The following CDH13 variants were observed in gnomAD, a reference collection of about 807,000 sequenced individuals.
CDH13 encodes the protein cadherin-13.
Under a neutral mutation model 63.8 loss-of-function variants are expected in CDH13, and 24 were observed. The observed-to-expected ratio is 0.38, with a 90% CI of 0.27 to 0.53. The LOEUF (loss-of-function observed/expected upper bound fraction) is 0.53. Ranked by LOEUF, CDH13 falls within the 20% of genes least tolerant of loss-of-function variation. The pLI is 0.85. For missense variants in CDH13, 1,049 were observed against 903.1 expected, an observed-to-expected ratio of 1.16 and a Z score of -2.07; for synonymous variants, 503 against 355.3, an observed-to-expected ratio of 1.42 and a Z score of -4.67.
At chr16:82,965,484 A>G (rs1193705366) in intron 2 of CDH13, among the ~76,000 whole-genome samples, 1 of 152,214 alleles carries the variant, frequency 6.6e-6, no homozygotes, top group Non-Finnish European at 1.5e-5. Context: ...TTGCAAACTT[A>G]TTTAGCATTT....
intron 7 of CDH13, among the ~76,000 whole-genome samples, chr16:83,554,096 C>G (rs1378806596): frequency 1.3e-5 from 2 of 152,088 alleles, no homozygotes; most frequent in Non-Finnish European, 2.9e-5. Context: ...ATAGATTAGA[C>G]CTCAATGTAG....
chr16:82,969,419 A>G lies in CDH13; in HGVS notation c.158-62591A>G, dbSNP rs564356785. On this transcript the variant is annotated intron_variant, in intron 2 of 13. Transcript: ENST00000567109. ...ATCTCTCCCACCTCAAGGTCTTCCT[A>G]TTAGCTGAATACCTGCCTTAGGAAA... is the stretch of plus-strand genomic sequence containing the variant. 2.0e-5 allele frequency among the ~76,000 whole-genome samples: 3 copies of G among 150,360 alleles called. No individual in the cohort carries two copies. The South Asian group carries it at 6.3e-4, about 32-fold the overall frequency.
At chr16:83,384,418 C>T (rs140847399) in intron 6 of CDH13, among the ~76,000 whole-genome samples, 9 of 152,178 alleles carry the variant, frequency 5.9e-5, no homozygotes, top group South Asian at 4.1e-4. Context: ...ACTACCGAGG[C>T]GAATTTATGG....
intron 4 of CDH13, among the ~76,000 whole-genome samples, chr16:83,172,227 A>G (rs185811210): frequency 1.3e-5 from 2 of 152,276 alleles, no homozygotes; most frequent in African/African-American, 4.8e-5. Flanking sequence ...ACGGTGGCTC[A>G]TGCCTGTAAT....
At chr16:83,431,372 T>G (rs1466605047) in intron 6 of CDH13, among the ~76,000 whole-genome samples, 1 of 151,916 alleles carries the variant, frequency 6.6e-6, no homozygotes, top group Non-Finnish European at 1.5e-5. Flanking sequence ...TCCTATCTCC[T>G]TATCATTTAT....
At position 83,442,440 on chromosome 16, in the gene CDH13, G is replaced by A. The variant is rs1408054754; in HGVS notation, c.782-44037G>A. ...ATTAAAGAGCACAAAGACATCCTTG[G>A]CCAGTATCTTTCTGGATGCTGATGC... On this transcript the variant is annotated intron_variant, in intron 6 of 13. Coordinates refer to ENST00000567109, the MANE Select transcript of CDH13 (RefSeq NM_001257.5). 2.6e-5 allele frequency among the ~76,000 whole-genome samples: 4 copies of A among 152,310 alleles called. No individual in the cohort carries two copies. The East Asian group carries it at 5.8e-4, about 22-fold the overall frequency.
intron 5 of CDH13, among the ~76,000 whole-genome samples, chr16:83,274,159 G>C (rs11643859): frequency 0.21 from 32,262 of 152,160 alleles, 3,535 homozygotes; most frequent in African/African-American, 0.23. Flanking sequence ...AAAGACCAGT[G>C]AAGTCTCAAC....
rs534703092 is a variant in CDH13, at chr16:83,618,415, A to T, written c.1101+15821A>T. Among the ~76,000 whole-genome samples the T allele has an allele frequency of 4.1e-5, 6 of 147,622 alleles. No homozygotes were observed. In the South Asian group the frequency reaches 1.1e-3, roughly 27 times the overall value. On this transcript the variant is annotated intron_variant, in intron 8 of 13. Coordinates refer to ENST00000567109, the MANE Select transcript of CDH13 (RefSeq NM_001257.5). ...GCTTTAGCCTGGAGAACAGAGAGAG[A>T]CTCCAAAAAAAAAAAAAAAGAAAAA...
At chr16:83,646,529 C>T (rs1672943391) in intron 8 of CDH13, among the ~76,000 whole-genome samples, 1 of 151,956 alleles carries the variant, frequency 6.6e-6, no homozygotes, top group Non-Finnish European at 1.5e-5. Flanking sequence ...GGTGAAACCC[C>T]ATCTTTACTA....
chr16:82,925,351 G>A (rs776014691), intron 2 of CDH13, among the ~76,000 whole-genome samples: 3 of 152,136 alleles, frequency 2.0e-5, no homozygotes, highest in South Asian at 2.1e-4. Context: ...GAGTGTGGAG[G>A]CCCTGTGTTG....
At chr16:83,208,468 G>A (rs539218244) in intron 4 of CDH13, among the ~76,000 whole-genome samples, 1 of 150,732 alleles carries the variant, frequency 6.6e-6, no homozygotes, top group East Asian at 1.9e-4. Flanking sequence ...AAAGGCAACA[G>A]TGTTTTTTTT....
rs367850945 is a variant in CDH13 at position 83,203,514 on chromosome 16, G to A, written c.484-13831G>A. On this transcript the variant is annotated intron_variant, in intron 4 of 13. Coordinates refer to ENST00000567109, the MANE Select transcript of CDH13 (RefSeq NM_001257.5). The stretch of plus-strand genomic sequence containing the variant: ...ATCCTGGCTAACATGGTGAAACCCC[G>A]TCTCTACTAAAAATACAAAAAAATT... Among the ~76,000 whole-genome samples the A allele has an allele frequency of 2.9e-4, 44 of 151,228 alleles. 1 individual carries two copies. Among genetic ancestry groups the A allele is most frequent in the African/African-American group, 8.0e-4 (33 of 41,262 alleles).
At chr16:82,977,388 C>T (rs1458711083) in intron 2 of CDH13, among the ~76,000 whole-genome samples, 1 of 152,264 alleles carries the variant, frequency 6.6e-6, no homozygotes, top group South Asian at 2.1e-4. Flanking sequence ...GGCTGTGTCC[C>T]CACCCAAATC....
chr16:82,909,505 T>C (rs548771222), intron 2 of CDH13, among the ~76,000 whole-genome samples: 1 of 149,702 alleles, frequency 6.7e-6, no homozygotes, highest in African/African-American at 2.4e-5. Context: ...TACCCGAGAC[T>C]GGGTAATTTA....
chr16:83,346,278 C>A (rs920734632), intron 6 of CDH13, among the ~76,000 whole-genome samples: 3 of 152,148 alleles, frequency 2.0e-5, no homozygotes, highest in African/African-American at 7.2e-5. Context: ...TCAGGGCAGA[C>A]AATCCACGTG....
chr16:83,633,766 G>A (rs1411562341), intron 8 of CDH13, among the ~76,000 whole-genome samples: 1 of 152,080 alleles, frequency 6.6e-6, no homozygotes, highest in Non-Finnish European at 1.5e-5. Context: ...TTTGAATTAG[G>A]GTTCTGGGCC....
chr16:82,870,769 A>G (rs1384953081), intron 2 of CDH13, among the ~76,000 whole-genome samples: 1 of 152,216 alleles, frequency 6.6e-6, no homozygotes, highest in Non-Finnish European at 1.5e-5. Context: ...TACAACTATT[A>G]TGTACCCATA....
intron 8 of CDH13, among the ~76,000 whole-genome samples, chr16:83,657,734 C>T (rs900738242): frequency 3.3e-5 from 5 of 152,180 alleles, no homozygotes; most frequent in Non-Finnish European, 7.3e-5. Flanking sequence ...GCTTGCTTAG[C>T]AATATCTGTG....
intron 1 of CDH13, among the ~76,000 whole-genome samples, chr16:82,744,846 A>G (rs937880365): frequency 1.3e-5 from 2 of 152,174 alleles, no homozygotes; most frequent in Non-Finnish European, 2.9e-5. Flanking sequence ...CAAGGTGCAG[A>G]GCCTGTAAAA....
Sources: allele counts gnomAD v4.1 joint callset (sites outside exome capture counted in the v4.1 genomes callset), GRCh38; gene constraint gnomAD v4.1.1; transcripts MANE v1.5; gene names NCBI Gene and HGNC (gene_info 2026-07-23, HGNC 2026-07-21).